B3GALT2: variants seen among roughly 807,000 people sequenced by gnomAD.
The protein encoded by B3GALT2 is beta-1,3-galactosyltransferase 2, also known as UDP-Gal:betaGlcNAc beta 1,3-galactosyltransferase, polypeptide 2.
B3GALT2 carries 13 observed loss-of-function variants against 33.5 expected under a neutral mutation model. That is an observed-to-expected ratio of 0.39 (90% CI 0.25 to 0.62). B3GALT2 has a LOEUF of 0.62. Ranked by LOEUF, B3GALT2 falls within the 20% of genes least tolerant of loss-of-function variation. The pLI is 0.53. For missense variants in B3GALT2, 418 were observed against 509.1 expected (o/e 0.82, Z 1.72); for synonymous variants, 195 against 172.7 (o/e 1.13, Z -1.01).
Position 193,180,252 on chromosome 1 carries a change from G to A in B3GALT2, c.*42C>T, listed in dbSNP as rs369477705. 1.3e-6 allele frequency: 2 copies of A among 1,497,250 alleles called. No individual in the cohort carries two copies. Among genetic ancestry groups the A allele is most frequent in the African/African-American group, 2.8e-5 (2 of 71,274 alleles). 92.7% of individuals were successfully genotyped at this position (1,497,250 alleles called of 1,614,324 possible). ...TCAGTTCTAACTATACATGCTTTTA[G>A]CAATATTTACAAATTGCACATTTGA... On this transcript the variant is annotated 3_prime_UTR_variant, in exon 2 of 2. Coordinates refer to ENST00000367434, the MANE Select transcript of B3GALT2 (RefSeq NM_003783.3).
At chr1:193,183,977 T>A (rs1472830724) in intron 1 of B3GALT2, among the ~76,000 whole-genome samples, 1 of 151,894 alleles carries the variant, frequency 6.6e-6, no homozygotes, top group East Asian at 1.9e-4. Flanking sequence ...TAATTTATGT[T>A]GCTTTTATAA....
intron 1 of B3GALT2, among the ~76,000 whole-genome samples, chr1:193,183,436 G>C (rs557355827): frequency 6.8e-6 from 1 of 147,790 alleles, no homozygotes; most frequent in East Asian, 2.0e-4. Flanking sequence ...CTATTTGTTA[G>C]AATTTGTTTA....
At chr1:193,182,918 ACTT>A (rs1267358215) in intron 1 of B3GALT2, among the ~76,000 whole-genome samples, 1 of 152,074 alleles carries the variant, frequency 6.6e-6, no homozygotes, top group Non-Finnish European at 1.5e-5. Context: ...TATGAAAATT[ACTT>A]CTTTAAGCAA....
In B3GALT2 at chr1:193,180,646, T is replaced by C. The variant is rs1411218127; in HGVS notation, c.917A>G (p.Glu306Gly). 1.2e-6 allele frequency: 2 copies of C among 1,614,120 alleles called. No individual in the cohort carries two copies. ...WYMPPDLYPS[E>G]RYPVFCSGTG... ...TCCAGAACAGAAGACAGGATAACGC[T>C]CACTTGGGTAGAGGTCTGGTGGCAT... Residue 306 changes from glutamate (E) to glycine (G), a missense_variant, in exon 2 of 2, where the codon GAG (glutamate) becomes GGG (glycine). Around this residue, in one of 3 missense-constraint regions of B3GALT2, gnomAD observed 226 missense variants for 293.9 expected, o/e 0.77. Transcript: ENST00000367434.
chr1:193,185,382 C>G (rs10801187), intron 1 of B3GALT2, among the ~76,000 whole-genome samples: 1 of 151,746 alleles, frequency 6.6e-6, no homozygotes, highest in Admixed American at 6.6e-5. Flanking sequence ...CATAAACTCA[C>G]ACTACCTTAT....
In B3GALT2 at chr1:193,179,460, T is replaced by C. The variant is rs947571904; in HGVS notation, c.*834A>G. 2.6e-5 allele frequency: 4 copies of C among 152,656 alleles called. No individual in the cohort carries two copies. Among genetic ancestry groups the C allele is most frequent in the Admixed American group, 6.5e-5 (1 of 15,284 alleles). The allele number at this position is 152,656 out of a possible 1,614,324, so 9.5% of individuals were successfully genotyped here. A position where few individuals can be genotyped will look rare whatever the true frequency, so the allele number is the denominator to read the frequency against. ...TTACAGATATATTCGAAGTTAGATA[T>C]ACATGAAATTAAATGGTGGTGCTGT... On this transcript the variant is annotated 3_prime_UTR_variant, in exon 2 of 2. Coordinates refer to ENST00000367434, the MANE Select transcript of B3GALT2 (RefSeq NM_003783.3).
Position 193,181,186 on chromosome 1 carries a change from T to C in B3GALT2, c.377A>G (p.Lys126Arg), listed in dbSNP as rs766179807. 8 of 1,613,856 alleles carry C rather than the reference T, an allele frequency of 5.0e-6. No homozygotes were observed. In the Admixed American group the frequency reaches 1.3e-4, roughly 27 times the overall value. Residue 126 changes from lysine (K) to arginine (R), a missense_variant, in exon 2 of 2, where the codon AAA becomes AGA. Lys to Arg is a conservative substitution (Grantham distance 26). Transcript: ENST00000367434. ...LSANGSIYNE[K>R]GTGHPNSYHF... is the part of the protein sequence containing the mutation. Reference sequence around the variant, plus strand: ...GTAAGAATTTGGATGTCCAGTACCTTTTTCATTGTAAATACTTCCATTGGC... The same window carrying C: ...GTAAGAATTTGGATGTCCAGTACCTCTTTCATTGTAAATACTTCCATTGGC...
intron 1 of B3GALT2, among the ~76,000 whole-genome samples, chr1:193,184,194 CTA>C (rs1244402205): frequency 2.0e-5 from 3 of 151,802 alleles, no homozygotes; most frequent in Non-Finnish European, 4.4e-5. Flanking sequence ...CCATATATAA[CTA>C]TAAATCTCCC....
intron 1 of B3GALT2, among the ~76,000 whole-genome samples, chr1:193,183,122 G>T (rs1558302345): frequency 6.6e-6 from 1 of 151,732 alleles, no homozygotes; most frequent in African/African-American, 2.4e-5. Flanking sequence ...TAATTGAATA[G>T]TTATAAAGTA....
Position 193,180,869 on chromosome 1 carries a change from G to T in B3GALT2, c.694C>A (p.Leu232Ile), listed in dbSNP as rs749224040. 6.2e-7 allele frequency: 1 copy of T among 1,613,354 alleles called. No individual in the cohort carries two copies. Among genetic ancestry groups the T allele is most frequent in the Non-Finnish European group, 8.5e-7 (1 of 1,179,390 alleles). The change falls in exon 2 of 2, where the codon CTA (leucine) becomes ATA (isoleucine). Residue 232 changes from leucine to isoleucine, a missense_variant. Transcript: ENST00000367434. The part of the protein sequence containing the change: ...DTYYNLTIKT[L>I]MGMNWVATYC... ...GTTGCAACCCAGTTCATGCCCATTAGTGTTTTAATGGTCAAATTATAGTAC... is the reference window on the plus strand; with the variant it reads ...GTTGCAACCCAGTTCATGCCCATTATTGTTTTAATGGTCAAATTATAGTAC...
In B3GALT2 at chr1:193,179,896, CATTAA is replaced by C. The variant is rs1486748676; in HGVS notation, c.*393_*397del. On this transcript the variant is annotated 3_prime_UTR_variant, in exon 2 of 2. Transcript: ENST00000367434. ...AAAATTGATAGTGATGTTTTATTTA[CATTAA>C]ATTATATATTAAAATGAAAAGCTTA... 1 of 153,028 alleles carries C rather than the reference CATTAA, an allele frequency of 6.5e-6. No individual in the cohort carries two copies. Among genetic ancestry groups the C allele is most frequent in the Non-Finnish European group, 1.5e-5 (1 of 68,468 alleles). 9.5% of individuals were successfully genotyped at this position (153,028 alleles called of 1,614,324 possible).
intron 1 of B3GALT2, among the ~76,000 whole-genome samples, chr1:193,184,720 A>C (rs898069298): frequency 7.9e-5 from 12 of 151,954 alleles, no homozygotes; most frequent in African/African-American, 2.9e-4. Context: ...ACCAAGAGGG[A>C]CTTGAAATTT....
Position 193,181,583 on chromosome 1 carries a change from G to T in B3GALT2, c.-21C>A. Reference sequence around the variant, plus strand: ...AGCATGTTGTAAATATCCAGTAGTGGTATATGAGAGATTGGTGACCAAAAA... The same window carrying T: ...AGCATGTTGTAAATATCCAGTAGTGTTATATGAGAGATTGGTGACCAAAAA... On this transcript the variant is annotated 5_prime_UTR_variant, in exon 2 of 2. Transcript: ENST00000367434. The T allele has an allele frequency of 6.5e-7, 1 of 1,537,418 alleles. No homozygotes were observed. The highest frequency in any genetic ancestry group is 8.7e-7 in the Non-Finnish European group (1 of 1,146,664).
rs1676685476 is a variant in B3GALT2, at chr1:193,180,067, A to G, written c.*227T>C. The stretch of plus-strand genomic sequence containing the variant: ...TGCTTGTTATTGCATGTTAATACAC[A>G]GAATCTCCTTATACAGTTTTTTAAA... On this transcript the variant is annotated 3_prime_UTR_variant, in exon 2 of 2. Coordinates refer to ENST00000367434, the MANE Select transcript of B3GALT2 (RefSeq NM_003783.3). 2.8e-6 allele frequency: 1 copy of G among 358,802 alleles called. No individual in the cohort carries two copies. The highest frequency in any genetic ancestry group is 4.5e-5 in the East Asian group (1 of 22,172). 22.2% of individuals were successfully genotyped at this position (358,802 alleles called of 1,614,324 possible).
chr1:193,185,626 T>C (rs145590476), intron 1 of B3GALT2, among the ~76,000 whole-genome samples: 1,859 of 152,238 alleles, frequency 0.012, 19 homozygotes, highest in South Asian at 0.034. Context: ...ATTGTGTCTT[T>C]TGATAGCCAT....
chr1:193,184,668 A>G (rs1359571404), intron 1 of B3GALT2, among the ~76,000 whole-genome samples: 2 of 151,960 alleles, frequency 1.3e-5, no homozygotes, highest in African/African-American at 4.8e-5. Context: ...TATAGCTTAT[A>G]AAACTGCTTA....
Position 193,179,030 on chromosome 1 carries a change from A to G in B3GALT2, c.*1264T>C, listed in dbSNP as rs1388270050. 4 of 152,222 alleles carry G rather than the reference A, an allele frequency of 2.6e-5. No homozygotes were observed. The East Asian group carries it at 5.8e-4, about 22-fold the overall frequency. 9.4% of individuals were successfully genotyped at this position (152,222 alleles called of 1,614,324 possible). On this transcript the variant is annotated 3_prime_UTR_variant, in exon 2 of 2. Transcript: ENST00000367434. ...AGTCAAACAAAATTATTGTGAAAAT[A>G]CTTATAACACTCAGTAAAGTTTTTT... is the stretch of plus-strand genomic sequence containing the variant.
rs1443942463 is a variant in B3GALT2, at chr1:193,186,160, A to T, written c.-262T>A. 1.3e-5 allele frequency: 2 copies of T among 153,072 alleles called. No homozygotes were observed. The highest frequency in any genetic ancestry group is 2.4e-5 in the African/African-American group (1 of 41,396). The allele number at this position is 153,072 out of a possible 1,614,324, so 9.5% of individuals were successfully genotyped here. On this transcript the variant is annotated 5_prime_UTR_variant, in exon 1 of 2. Coordinates refer to ENST00000367434, the MANE Select transcript of B3GALT2 (RefSeq NM_003783.3). ...GCCTCCTGCGATTGCTTTTCACAGT[A>T]TCCAAAGTGTCCATCTGTCTGCTTG... is the stretch of plus-strand genomic sequence containing the variant.
Position 193,179,147 on chromosome 1 carries a change from A to G in B3GALT2, c.*1147T>C, listed in dbSNP as rs752156621. On this transcript the variant is annotated 3_prime_UTR_variant, in exon 2 of 2. Transcript: ENST00000367434. The stretch of plus-strand genomic sequence containing the variant: ...TTGTCAAACGTTTGTAGTTTTCCCC[A>G]TCCCTCCCAAAAAGGTTTTTAATTG... 6.6e-6 allele frequency: 1 copy of G among 152,132 alleles called. No individual in the cohort carries two copies. The highest frequency in any genetic ancestry group is 6.5e-5 in the Admixed American group (1 of 15,274). 9.4% of individuals were successfully genotyped at this position (152,132 alleles called of 1,614,324 possible).
Sources: allele counts gnomAD v4.1 joint callset (sites outside exome capture counted in the v4.1 genomes callset), GRCh38; gene constraint gnomAD v4.1.1; regional missense constraint gnomAD v4.1.1; transcripts MANE v1.5; gene names NCBI Gene and HGNC (gene_info 2026-07-23, HGNC 2026-07-21).